SRGAP2B: variants seen among roughly 807,000 people sequenced by gnomAD.
SRGAP2B encodes the protein SLIT-ROBO Rho GTPase-activating protein 2B.
SRGAP2B carries 9 observed loss-of-function variants against 22.2 expected under a neutral mutation model. The observed-to-expected ratio is 0.41, with a 90% CI of 0.24 to 0.71. SRGAP2B has a LOEUF of 0.71. Among genes scored for constraint, SRGAP2B ranks in the 30% least tolerant of loss-of-function variants. The pLI, the probability that SRGAP2B is intolerant of heterozygous loss-of-function variation, is 0.35. For missense variants in SRGAP2B, 114 were observed against 235.8 expected (o/e 0.48, Z 3.38); for synonymous variants, 36 against 87.4 (o/e 0.41, Z 3.28).
chr1:144,991,492 A>G (rs1553617141), intron 3 of SRGAP2B, among the ~76,000 whole-genome samples: 1 of 148,500 alleles, frequency 6.7e-6, no homozygotes, highest in African/African-American at 2.5e-5. Context: ...AAATACACCA[A>G]TCAGCACCCT....
At chr1:144,966,109 G>C (rs1288210717) in intron 3 of SRGAP2B, among the ~76,000 whole-genome samples, 1 of 147,970 alleles carries the variant, frequency 6.8e-6, no homozygotes, top group Non-Finnish European at 1.5e-5. Context: ...TAGCAAGGCA[G>C]GCCAACGTTC....
At chr1:144,923,007 C>T (rs1214028665) in intron 4 of SRGAP2B, among the ~76,000 whole-genome samples, 1 of 151,170 alleles carries the variant, frequency 6.6e-6, no homozygotes, top group Non-Finnish European at 1.5e-5. Context: ...ACTAACAAAG[C>T]TCACTTTGGT....
chr1:144,970,645 T>TA (rs782116324), intron 3 of SRGAP2B, among the ~76,000 whole-genome samples: 116,554 of 128,502 alleles, frequency 0.91, 52,513 homozygotes, highest in Non-Finnish European at 0.93. Context: ...CTTAAAGTAT[T>TA]AAAAAAAAAA....
chr1:144,994,575 A>T (rs77447105), intron 3 of SRGAP2B, among the ~76,000 whole-genome samples: 56,409 of 116,894 alleles, frequency 0.48, 12,142 homozygotes, highest in African/African-American at 0.59. Flanking sequence ...TGTGAGAGAG[A>T]GAGAGAGAGA....
intron 2 of SRGAP2B, among the ~76,000 whole-genome samples, chr1:145,021,612 A>AAC (rs1553624096): frequency 3.1e-5 from 4 of 130,338 alleles, no homozygotes; most frequent in Non-Finnish European, 6.4e-5. Context: ...GTAAAGAGTG[A>AAC]TAGATGGCCT....
intron 7 of SRGAP2B, among the ~76,000 whole-genome samples, chr1:144,902,725 G>A (rs1553353609): frequency 5.6e-5 from 8 of 141,866 alleles, no homozygotes; most frequent in Admixed American, 2.2e-4. Flanking sequence ...TCGCACCACC[G>A]TACTCCAGCC....
intron 2 of SRGAP2B, among the ~76,000 whole-genome samples, chr1:145,043,947 G>A (rs1473287220): frequency 6.4e-4 from 6 of 9,352 alleles, no homozygotes; most frequent in Non-Finnish European, 1.2e-3. Flanking sequence ...AGACTACAAC[G>A]GGGGTAGAGC....
intron 2 of SRGAP2B, among the ~76,000 whole-genome samples, chr1:145,068,554 GTAAT>G (rs1328760729): frequency 3.0e-5 from 3 of 101,472 alleles, no homozygotes; most frequent in African/African-American, 8.8e-5. Flanking sequence ...AGGCATTTCC[GTAAT>G]TAATTATTAG....
At chr1:145,044,697 A>AAAAAAAAAAG (rs1649569361) in intron 2 of SRGAP2B, among the ~76,000 whole-genome samples, 1 of 131,308 alleles carries the variant, frequency 7.6e-6, no homozygotes, top group Non-Finnish European at 1.6e-5. Context: ...AAAAAAAAAA[A>AAAAAAAAAAG]AAACAGAAAA....
At chr1:144,947,607 T>C (rs1277412430) in intron 4 of SRGAP2B, among the ~76,000 whole-genome samples, 2 of 146,000 alleles carry the variant, frequency 1.4e-5, no homozygotes, top group Non-Finnish European at 3.0e-5. Context: ...CTTCCTGCAG[T>C]GTGAAGGAAG....
In SRGAP2B at chr1:145,017,575, G is replaced by C. The variant is rs587640401; in HGVS notation, c.68-22375C>G. On this transcript the variant is annotated intron_variant, in intron 2 of 9. Coordinates refer to ENST00000612199, the Ensembl canonical transcript of SRGAP2B. Reference sequence around the variant, plus strand: ...CATAGTTCCTCTAATTCATAAACTGGAGCATTTTACACTGTATTATGACAC... The same window carrying C: ...CATAGTTCCTCTAATTCATAAACTGCAGCATTTTACACTGTATTATGACAC... 1.3e-3 allele frequency among the ~76,000 whole-genome samples: 188 copies of C among 147,394 alleles called. 12 individuals carry two copies. The highest frequency in any genetic ancestry group is 4.6e-3 in the African/African-American group (175 of 38,444).
intron 4 of SRGAP2B, among the ~76,000 whole-genome samples, chr1:144,924,625 G>A (rs1553347399): frequency 1.4e-3 from 206 of 149,368 alleles, no homozygotes; most frequent in Middle Eastern, 6.8e-3. Context: ...CCAGCTATTC[G>A]GGAGGCTGAG....
intron 4 of SRGAP2B, among the ~76,000 whole-genome samples, chr1:144,940,502 G>T (rs1665942965): frequency 6.7e-6 from 1 of 149,020 alleles, no homozygotes; most frequent in Non-Finnish European, 1.5e-5. Context: ...CCAGGGGAGA[G>T]TCAAGACAAC....
intron 5 of SRGAP2B, among the ~76,000 whole-genome samples, chr1:144,910,839 A>AAGCC (rs1663365247): frequency 4.3e-5 from 1 of 23,422 alleles, no homozygotes; most frequent in Admixed American, 4.6e-4. Context: ...GCTTACATAC[A>AAGCC]AGCCAGCTCA....
chr1:144,999,109 CACCACTCAT>C (rs1378856326), intron 2 of SRGAP2B, among the ~76,000 whole-genome samples: 1 of 150,800 alleles, frequency 6.6e-6, no homozygotes, highest in Non-Finnish European at 1.5e-5. Flanking sequence ...CAAAGACTCA[CACCACTCAT>C]ACCACTTACA....
At chr1:144,967,188 A>AT (rs1159133974) in intron 3 of SRGAP2B, among the ~76,000 whole-genome samples, 2 of 111,520 alleles carry the variant, frequency 1.8e-5, no homozygotes, top group African/African-American at 3.9e-5. Context: ...CAGAATATAC[A>AT]TTTTTTTCAG....
chr1:144,916,169 C>T (rs1553603852), intron 4 of SRGAP2B, among the ~76,000 whole-genome samples: 1 of 148,790 alleles, frequency 6.7e-6, no homozygotes, highest in Non-Finnish European at 1.5e-5. Context: ...CTCTTAAATT[C>T]CTACCACTAA....
intron 4 of SRGAP2B, among the ~76,000 whole-genome samples, chr1:144,951,637 T>A (rs1666881278): frequency 6.7e-6 from 1 of 150,118 alleles, no homozygotes; most frequent in Non-Finnish European, 1.5e-5. Flanking sequence ...CAAAATATAA[T>A]GACTTCTATT....
intron 4 of SRGAP2B, among the ~76,000 whole-genome samples, chr1:144,942,442 C>A (rs587691721): frequency 6.7e-6 from 1 of 148,202 alleles, no homozygotes; most frequent in South Asian, 2.1e-4. Context: ...TTTTTTGAGT[C>A]GGAGTTTTGC....
Sources: allele counts gnomAD v4.1 joint callset (sites outside exome capture counted in the v4.1 genomes callset), GRCh38; gene constraint gnomAD v4.1.1; transcripts MANE v1.5; gene names NCBI Gene and HGNC (gene_info 2026-07-23, HGNC 2026-07-21).